CNTN5: variants seen among roughly 807,000 people sequenced by gnomAD.
CNTN5 encodes contactin 5.
Under a neutral mutation model 129.1 loss-of-function variants are expected in CNTN5, and 77 were observed. That is an observed-to-expected ratio of 0.60 (90% CI 0.50 to 0.72). CNTN5 has a LOEUF of 0.72. Ranked by LOEUF, CNTN5 falls within the 30% of genes least tolerant of loss-of-function variation. The pLI is 0.00. For synonymous variants in CNTN5, 509 were observed against 465.6 expected, an observed-to-expected ratio of 1.09 and a Z score of -1.20; for missense variants, 1,478 against 1,328.8, an observed-to-expected ratio of 1.11 and a Z score of -1.75.
At chr11:99,694,713 C>T (rs900137706) in intron 3 of CNTN5, among the ~76,000 whole-genome samples, 1 of 152,050 alleles carries the variant, frequency 6.6e-6, no homozygotes, top group African/African-American at 2.4e-5. Context: ...TGTTCCTCTC[C>T]CTGTGCCCAT....
intron 6 of CNTN5, among the ~76,000 whole-genome samples, chr11:99,871,474 C>G (rs2135813157): frequency 6.6e-6 from 1 of 152,068 alleles, no homozygotes; most frequent in African/African-American, 2.4e-5. Context: ...GATTAATCAT[C>G]AGGCTGGTGT....
intron 6 of CNTN5, among the ~76,000 whole-genome samples, chr11:99,880,009 A>T (rs1948730701): frequency 6.6e-6 from 1 of 152,180 alleles, no homozygotes; most frequent in Admixed American, 6.5e-5. Flanking sequence ...TATCTTTCAA[A>T]GTGAGGTGGG....
chr11:100,147,451 C>A (rs1946889812), intron 13 of CNTN5, among the ~76,000 whole-genome samples: 2 of 151,114 alleles, frequency 1.3e-5, no homozygotes, highest in Non-Finnish European at 2.9e-5. Flanking sequence ...AGTTCTGCAT[C>A]CTTAGGTGGA....
At chr11:100,029,576 A>G (rs1246322950) in intron 9 of CNTN5, among the ~76,000 whole-genome samples, 1 of 149,716 alleles carries the variant, frequency 6.7e-6, no homozygotes, top group East Asian at 2.0e-4. Flanking sequence ...GCGAGACTCC[A>G]TCTCAAAAAA....
chr11:99,680,036 A>G (rs1417624307), intron 3 of CNTN5, among the ~76,000 whole-genome samples: 2 of 152,202 alleles, frequency 1.3e-5, no homozygotes, highest in African/African-American at 4.8e-5. Context: ...CCTGAGAGAG[A>G]TGAGGAAGAT....
At chr11:100,054,090 C>T (rs558714016) in intron 9 of CNTN5, among the ~76,000 whole-genome samples, 5 of 151,704 alleles carry the variant, frequency 3.3e-5, no homozygotes, top group African/African-American at 1.2e-4. Context: ...TGAGGAAGAA[C>T]TTGGGGTTTA....
intron 1 of CNTN5, among the ~76,000 whole-genome samples, chr11:99,302,709 AG>A (rs892813998): frequency 1.1e-4 from 17 of 151,744 alleles, no homozygotes; most frequent in Non-Finnish European, 1.9e-4. Flanking sequence ...ATTGAAAATG[AG>A]GGAACTGCAT....
chr11:99,202,606 T>G (rs530718627), intron 1 of CNTN5, among the ~76,000 whole-genome samples: 1 of 152,182 alleles, frequency 6.6e-6, no homozygotes, highest in Admixed American at 6.5e-5. Context: ...TTTTTTTAAT[T>G]GTTTAAACTT....
intron 7 of CNTN5, among the ~76,000 whole-genome samples, chr11:99,951,182 T>C (rs1246835298): frequency 6.6e-6 from 1 of 151,826 alleles, no homozygotes; most frequent in Admixed American, 6.6e-5. Context: ...GATTTTGAAG[T>C]CCATGGTCTT....
chr11:99,713,438 GC>G (rs1955085756), intron 3 of CNTN5, among the ~76,000 whole-genome samples: 1 of 152,038 alleles, frequency 6.6e-6, no homozygotes, highest in African/African-American at 2.4e-5. Context: ...CACGTCATCT[GC>G]AAACAGAGAG....
chr11:99,089,728 G>A (rs957454949), intron 1 of CNTN5, among the ~76,000 whole-genome samples: 5 of 152,130 alleles, frequency 3.3e-5, no homozygotes, highest in East Asian at 1.9e-4. Flanking sequence ...TTTAGATAGC[G>A]AGTAAAACTC....
chr11:100,286,488 AG>A (rs1191850550), intron 18 of CNTN5, among the ~76,000 whole-genome samples: 2 of 150,728 alleles, frequency 1.3e-5, no homozygotes, highest in Non-Finnish European at 3.0e-5. Flanking sequence ...ACCCCCCAGC[AG>A]GGGCACACTG....
At chr11:99,946,700 A>G (rs1031154160) in intron 7 of CNTN5, among the ~76,000 whole-genome samples, 2 of 152,110 alleles carry the variant, frequency 1.3e-5, no homozygotes, top group Admixed American at 6.6e-5. Flanking sequence ...CTGATAGAAC[A>G]TGAATGTTAG....
At chr11:99,348,202 G>T (rs866189230) in intron 2 of CNTN5, among the ~76,000 whole-genome samples, 1 of 152,102 alleles carries the variant, frequency 6.6e-6, no homozygotes, top group Non-Finnish European at 1.5e-5. Context: ...AGCCAGGCGT[G>T]GTGGCAGGCG....
chr11:99,214,673 T>C (rs185422662), intron 1 of CNTN5, among the ~76,000 whole-genome samples: 150 of 152,178 alleles, frequency 9.9e-4, no homozygotes, highest in African/African-American at 3.5e-3. Context: ...TTAACCAATC[T>C]GGTGAAAACT....
At chr11:100,201,568 T>G (rs1324331734) in intron 15 of CNTN5, among the ~76,000 whole-genome samples, 1 of 151,946 alleles carries the variant, frequency 6.6e-6, no homozygotes, top group Non-Finnish European at 1.5e-5. Context: ...TATTTATATC[T>G]TAAGGGACTG....
intron 1 of CNTN5, among the ~76,000 whole-genome samples, chr11:99,182,737 A>G (rs1434977174): frequency 6.6e-6 from 1 of 152,234 alleles, no homozygotes; most frequent in African/African-American, 2.4e-5. Flanking sequence ...TTAGTCGTCA[A>G]GCCAGTATAT....
intron 1 of CNTN5, among the ~76,000 whole-genome samples, chr11:99,029,959 G>A (rs1052489822): frequency 6.6e-6 from 1 of 152,102 alleles, no homozygotes; most frequent in African/African-American, 2.4e-5. Context: ...TTTTGACAAA[G>A]AGAAGAATGG....
chr11:99,982,585 A>G (rs1938415335), intron 8 of CNTN5, among the ~76,000 whole-genome samples: 1 of 152,204 alleles, frequency 6.6e-6, no homozygotes, highest in Admixed American at 6.5e-5. Context: ...AAAACTAAGG[A>G]AAATCTGTTC....
Sources: gnomAD v4.1 joint callset for allele counts (sites outside exome capture counted in the v4.1 genomes callset) on GRCh38, gnomAD v4.1.1 for gene constraint, MANE v1.5 for transcripts, NCBI Gene and HGNC (gene_info 2026-07-23, HGNC 2026-07-21) for gene names.